SMIM23: variants seen among roughly 807,000 people sequenced by gnomAD.
The protein encoded by SMIM23 is small integral membrane protein 23.
Under a neutral mutation model 12.8 loss-of-function variants are expected in SMIM23, and 10 were observed. That is an observed-to-expected ratio of 0.78 (90% confidence interval 0.48 to 1.32). The LOEUF is 1.32. Ranked by LOEUF, SMIM23 falls within the 40% of genes most tolerant of loss-of-function variation. The pLI is 0.00. For synonymous variants in SMIM23, 78 were observed against 80.1 expected (o/e 0.97, Z 0.14); for missense variants, 184 against 198.2 (o/e 0.93, Z 0.43).
At chr5:171,781,057 G>T (rs562346685), upstream of SMIM23, among the ~76,000 whole-genome samples, 1 of 152,196 alleles carries the variant, frequency 6.6e-6, no homozygotes, top group African/African-American at 2.4e-5. Context: ...AAAGCACTTT[G>T]CACAATGCCC....
In SMIM23 at chr5:171,790,966, C is replaced by T. The variant is rs755489560; in HGVS notation, c.397C>T (p.His133Tyr). 1 of 1,536,058 alleles carries T rather than the reference C, an allele frequency of 6.5e-7. No homozygotes were observed. Among genetic ancestry groups the T allele is most frequent in the South Asian group, 1.2e-5 (1 of 84,056 alleles). Residue 133 changes from histidine to tyrosine, a missense_variant, in exon 4 of 4, where the codon CAC (histidine) becomes TAC (tyrosine). Coordinates refer to ENST00000523047, the MANE Select transcript of SMIM23 (RefSeq NM_001289970.2). ...LWLDALLGEP[H>Y]QEEHCSTYKS... ...GCTGGATGCTCTTCTGGGAGAGCCA[C>T]ACCAGGAGGAGCACTGCTCCACATA...
At position 171,790,988 on chromosome 5, in the gene SMIM23, CA is replaced by C. The variant is rs1473889852; in HGVS notation, c.420del (p.Tyr141IlefsTer23). ...GEPHQEEHCS[T>X]YKSHLWEWAW... Reference sequence around the variant, plus strand: ...CCACACCAGGAGGAGCACTGCTCCACATATAAAAGTCACTTGTGGGAGTGGG... The same window carrying C: ...CCACACCAGGAGGAGCACTGCTCCACTATAAAAGTCACTTGTGGGAGTGGG... On this transcript the variant is annotated frameshift_variant, in exon 4 of 4. Coordinates refer to ENST00000523047, the MANE Select transcript of SMIM23 (RefSeq NM_001289970.2). LOFTEE classifies it low-confidence loss of function (END_TRUNC). 1 of 1,535,876 alleles carries C rather than the reference CA, an allele frequency of 6.5e-7. No homozygotes were observed. Among genetic ancestry groups the C allele is most frequent in the Admixed American group, 2.0e-5 (1 of 51,000 alleles).
chr5:171,778,697 CA>C (rs1027005686), upstream of SMIM23, among the ~76,000 whole-genome samples: 8 of 152,112 alleles, frequency 5.3e-5, no homozygotes, highest in Non-Finnish European at 1.2e-4. Flanking sequence ...TCCAGAACTA[CA>C]AAAAATTAAT....
At chr5:171,775,357 G>A in the SMIM23 span, among the ~76,000 whole-genome samples, 1 of 149,948 alleles carries the variant, frequency 6.7e-6, no homozygotes, top group East Asian at 2.0e-4. Flanking sequence ...CCCCTCCTTC[G>A]GGCCCTGCTG....
upstream of SMIM23, among the ~76,000 whole-genome samples, chr5:171,778,916 G>A (rs182747515): frequency 4.6e-5 from 7 of 152,200 alleles, no homozygotes; most frequent in East Asian, 1.4e-3. Flanking sequence ...TCTCCCTGGA[G>A]TTTCAGCCTT....
chr5:171,790,440 T>G, intron 2 of SMIM23, 42 bp from the exon 3 acceptor site: 1 of 1,531,614 alleles, frequency 6.5e-7, no homozygotes, highest in South Asian at 1.2e-5. Context: ...TTTCAATTAG[T>G]GCTCATTTGC....
chr5:171,773,859 A>T, the SMIM23 span: 1 of 456,342 alleles, frequency 2.2e-6, no homozygotes, highest in Non-Finnish European at 4.4e-6. Context: ...AACTTATTTT[A>T]AAAAATTAAA....
chr5:171,777,364 G>A, the SMIM23 span, among the ~76,000 whole-genome samples: 13 of 152,214 alleles, frequency 8.5e-5, no homozygotes, highest in African/African-American at 2.7e-4. Context: ...GCAGCCGAAC[G>A]CCTCATAAAT....
chr5:171,782,851 C>A (rs1369791854), upstream of SMIM23: 1 of 152,134 alleles, frequency 6.6e-6, no homozygotes, highest in Non-Finnish European at 1.5e-5. Context: ...CCCCACTACC[C>A]ACAGAATTAA....
intron 1 of SMIM23, among the ~76,000 whole-genome samples, chr5:171,786,919 T>G (rs1182680964): frequency 6.6e-6 from 1 of 151,496 alleles, no homozygotes; most frequent in Non-Finnish European, 1.5e-5. Flanking sequence ...AGGAAGGCTC[T>G]GAGAAGTCCT....
At chr5:171,781,359 G>A (rs1259294695), upstream of SMIM23, among the ~76,000 whole-genome samples, 1 of 152,146 alleles carries the variant, frequency 6.6e-6, no homozygotes, top group Admixed American at 6.5e-5. Context: ...CCCGGCTAAG[G>A]GGAAAGTTCA....
chr5:171,784,913 T>A (rs1047936579), upstream of SMIM23, among the ~76,000 whole-genome samples: 1 of 152,066 alleles, frequency 6.6e-6, no homozygotes, highest in Non-Finnish European at 1.5e-5. Flanking sequence ...TATACTATGT[T>A]TTTTTTTAAA....
At position 171,791,094 on chromosome 5, in the gene SMIM23, G is replaced by A; in HGVS notation, c.*6G>A. 6.8e-7 allele frequency: 1 copy of A among 1,471,308 alleles called. No individual in the cohort carries two copies. The highest frequency in any genetic ancestry group is 1.4e-5 in the South Asian group (1 of 73,718). 91.1% of individuals were successfully genotyped at this position (1,471,308 alleles called of 1,614,324 possible). A position where few individuals can be genotyped will look rare whatever the true frequency, so the allele number is the denominator to read the frequency against. ...TAAGCGGGGCAGAGCTCTGACTCTT[G>A]AAGTTCCAGTCAGGCAAGAAAATAA... On this transcript the variant is annotated 3_prime_UTR_variant, in exon 4 of 4. Coordinates refer to ENST00000523047, the MANE Select transcript of SMIM23 (RefSeq NM_001289970.2).
intron 1 of SMIM23, 99 bp downstream of exon 1, chr5:171,786,075 G>A: frequency 2.0e-6 from 2 of 987,948 alleles, no homozygotes; most frequent in African/African-American, 1.6e-5. Flanking sequence ...ATGAATCTTG[G>A]ACCCAACCGT....
upstream of SMIM23, among the ~76,000 whole-genome samples, chr5:171,780,024 T>A (rs1164455970): frequency 6.6e-6 from 1 of 152,130 alleles, no homozygotes; most frequent in Non-Finnish European, 1.5e-5. Context: ...AGACATGATG[T>A]CACTTTCCCA....
upstream of SMIM23, among the ~76,000 whole-genome samples, chr5:171,781,920 C>T (rs571928456): frequency 6.6e-6 from 1 of 152,282 alleles, no homozygotes; most frequent in South Asian, 2.1e-4. Context: ...AGTCAGTGCT[C>T]TGTGTCTAGT....
upstream of SMIM23, among the ~76,000 whole-genome samples, chr5:171,785,133 C>A (rs1755790810): frequency 1.3e-5 from 2 of 151,496 alleles, no homozygotes; most frequent in South Asian, 2.1e-4. Flanking sequence ...AGTAAGCAAA[C>A]CTACACAAAA....
chr5:171,776,560 G>A, the SMIM23 span, among the ~76,000 whole-genome samples: 1 of 152,130 alleles, frequency 6.6e-6, no homozygotes, highest in Non-Finnish European at 1.5e-5. Context: ...CGAATGGCAT[G>A]GGAGATGCTT....
In SMIM23 at chr5:171,790,997, G is replaced by C. The variant is rs146713808; in HGVS notation, c.428G>C (p.Ser143Thr). Reference protein sequence around the residue: ...HQEEHCSTYKSHLWEWAWALG... With the variant: ...HQEEHCSTYKTHLWEWAWALG... ...GAGGAGCACTGCTCCACATATAAAAGTCACTTGTGGGAGTGGGCCTGGGCC... is the reference window on the plus strand; with the variant it reads ...GAGGAGCACTGCTCCACATATAAAACTCACTTGTGGGAGTGGGCCTGGGCC... Residue 143 changes from serine to threonine, a missense_variant, in exon 4 of 4, where the codon AGT (serine) becomes ACT (threonine). Coordinates refer to ENST00000523047, the MANE Select transcript of SMIM23 (RefSeq NM_001289970.2). The C allele has an allele frequency of 8.2e-4, 1,253 of 1,535,744 alleles. 2 individuals are homozygous for C. Among genetic ancestry groups the C allele is most frequent in the Non-Finnish European group, 1.0e-3 (1,148 of 1,146,900 alleles).
Sources: gnomAD v4.1 joint callset for allele counts (sites outside exome capture counted in the v4.1 genomes callset) on GRCh38, gnomAD v4.1.1 for gene constraint, MANE v1.5 for transcripts, NCBI Gene and HGNC (gene_info 2026-07-23, HGNC 2026-07-21) for gene names.